Variants in ESR1 observed in about 807,000 individuals in gnomAD.
ESR1 encodes the protein estrogen receptor.
A neutral mutation model predicts 52.7 loss-of-function variants in ESR1; 12 were observed. That is an observed-to-expected ratio of 0.23 (90% CI 0.15 to 0.37). ESR1 has a LOEUF of 0.37. ESR1 is among the 10% of genes least tolerant of loss of function. ESR1 has a pLI of 1.00. For missense variants in ESR1, 584 were observed against 779.7 expected (o/e 0.75, Z 2.99); for synonymous variants, 305 against 316.8 (o/e 0.96, Z 0.39).
intron 1 of ESR1, among the ~76,000 whole-genome samples, chr6:151,696,469 C>T (rs1366619745): frequency 7.6e-6 from 1 of 130,984 alleles, no homozygotes; most frequent in Non-Finnish European, 1.6e-5. Context: ...GAGACTCCAT[C>T]TCAAATAAAT....
chr6:151,932,246 G>A (rs957485544), intron 3 of ESR1, among the ~76,000 whole-genome samples: 2 of 152,040 alleles, frequency 1.3e-5, no homozygotes, highest in Non-Finnish European at 2.9e-5. Context: ...CTGCATAAAT[G>A]TCTTCTTTTG....
At chr6:152,056,998 C>G (rs1480174360) in intron 5 of ESR1, among the ~76,000 whole-genome samples, 1 of 152,146 alleles carries the variant, frequency 6.6e-6, no homozygotes, top group Admixed American at 6.5e-5. Context: ...TGCCGTTGAT[C>G]CATCCATACC....
At chr6:151,666,202 A>C (rs55931227) in intron 1 of ESR1, among the ~76,000 whole-genome samples, 11,815 of 152,260 alleles carry the variant, frequency 0.078, 559 homozygotes, top group South Asian at 0.13. Flanking sequence ...AGATATTTTA[A>C]AAAACTCAAC....
chr6:151,788,027 T>C (rs191582095), intron 2 of ESR1, among the ~76,000 whole-genome samples: 1 of 152,220 alleles, frequency 6.6e-6, no homozygotes, highest in East Asian at 1.9e-4. Flanking sequence ...ACTGAGGCAA[T>C]ACCATCTTAG....
At chr6:151,775,634 T>G (rs191969942) in intron 2 of ESR1, among the ~76,000 whole-genome samples, 2,535 of 151,702 alleles carry the variant, frequency 0.017, 80 homozygotes, top group African/African-American at 0.058. Flanking sequence ...TAGTCCCAGC[T>G]ACTCGGGAGG....
chr6:152,079,403 G>A (rs1419120170), intron 6 of ESR1, among the ~76,000 whole-genome samples: 6 of 152,130 alleles, frequency 3.9e-5, no homozygotes, highest in Non-Finnish European at 8.8e-5. Flanking sequence ...GGGGCCTGAC[G>A]GTTAGAAGGA....
intron 6 of ESR1, among the ~76,000 whole-genome samples, chr6:152,074,852 C>G (rs1205206966): frequency 6.6e-6 from 1 of 152,150 alleles, no homozygotes; most frequent in South Asian, 2.1e-4. Flanking sequence ...CATGGAGCAT[C>G]TTTTAATAAG....
intron 3 of ESR1, among the ~76,000 whole-genome samples, chr6:151,914,659 G>A (rs906679691): frequency 2.0e-5 from 3 of 152,130 alleles, no homozygotes; most frequent in Admixed American, 6.5e-5. Flanking sequence ...CTAATCTTTT[G>A]TCAGTCCCTA....
chr6:151,909,424 G>A (rs1371325216), intron 3 of ESR1, among the ~76,000 whole-genome samples: 2 of 152,192 alleles, frequency 1.3e-5, no homozygotes, highest in Non-Finnish European at 2.9e-5. Flanking sequence ...AGCAGAGGAT[G>A]AGAATAACAG....
intron 2 of ESR1, among the ~76,000 whole-genome samples, chr6:151,880,392 A>G (rs1015744219): frequency 1.3e-5 from 2 of 152,028 alleles, no homozygotes; most frequent in African/African-American, 4.8e-5. Flanking sequence ...CATGTTGGTC[A>G]GGCTGGTCTT....
chr6:151,950,896 CTATTG>C (rs2036252754), intron 4 of ESR1, among the ~76,000 whole-genome samples: 3 of 151,280 alleles, frequency 2.0e-5, no homozygotes, highest in Non-Finnish European at 4.4e-5. Flanking sequence ...GAATTTTCTT[CTATTG>C]TATTTTTGAG....
At chr6:151,712,953 A>T (rs886631375) in intron 2 of ESR1, among the ~76,000 whole-genome samples, 1 of 152,162 alleles carries the variant, frequency 6.6e-6, no homozygotes, top group East Asian at 1.9e-4. Flanking sequence ...TTGCCCATTC[A>T]GTATAGTATT....
intron 3 of ESR1, among the ~76,000 whole-genome samples, chr6:151,890,479 C>A (rs1794542761): frequency 6.6e-6 from 1 of 152,148 alleles, no homozygotes; most frequent in African/African-American, 2.4e-5. Flanking sequence ...ATGAAATATT[C>A]TGTATGTATC....
chr6:151,992,906 C>A (rs1457298221), intron 4 of ESR1, among the ~76,000 whole-genome samples: 1 of 152,072 alleles, frequency 6.6e-6, no homozygotes, highest in African/African-American at 2.4e-5. Flanking sequence ...TTATCTAGTA[C>A]TTGCGATGCC....
chr6:151,850,090 AT>A (rs1786253366), intron 2 of ESR1, among the ~76,000 whole-genome samples: 1 of 26,282 alleles, frequency 3.8e-5, no homozygotes, highest in Non-Finnish European at 6.6e-5. Flanking sequence ...TTATATATAT[AT>A]AATTTTATAT....
In ESR1 at chr6:151,926,775, A is replaced by C. The variant is rs192598314; in HGVS notation, c.761-17398A>C. Among the ~76,000 whole-genome samples, 28 of 152,222 alleles carry C rather than the reference A, an allele frequency of 1.8e-4. No homozygotes were observed. In the East Asian group the frequency reaches 5.2e-3, roughly 28 times the overall value. On this transcript the variant is annotated intron_variant, in intron 3 of 7. Coordinates refer to ENST00000206249, the MANE Select transcript of ESR1 (RefSeq NM_000125.4). ...GTTGATTCATTGGAATTTTCTGCAT[A>C]GATAATCATGCCATCTGTGAATAAA...
At chr6:151,803,071 A>G (rs936395798), upstream of ESR1, among the ~76,000 whole-genome samples, 2 of 152,110 alleles carry the variant, frequency 1.3e-5, no homozygotes, top group Non-Finnish European at 2.9e-5. Flanking sequence ...ATAATATTAC[A>G]TTGTCCTTTT....
At chr6:151,866,056 G>A (rs1789845822) in intron 2 of ESR1, among the ~76,000 whole-genome samples, 1 of 152,234 alleles carries the variant, frequency 6.6e-6, no homozygotes, top group Admixed American at 6.5e-5. Context: ...TTTGTTTACT[G>A]AATGTCTAAT....
chr6:152,095,999 G>A (rs184814734), intron 7 of ESR1, among the ~76,000 whole-genome samples: 31 of 152,282 alleles, frequency 2.0e-4, no homozygotes, highest in Admixed American at 7.8e-4. Context: ...CCATTGTCCT[G>A]TAATTTGGCT....
Sources: gnomAD v4.1 joint callset for allele counts (sites outside exome capture counted in the v4.1 genomes callset) on GRCh38, gnomAD v4.1.1 for gene constraint, MANE v1.5 for transcripts, NCBI Gene and HGNC (gene_info 2026-07-23, HGNC 2026-07-21) for gene names.